Variants in RTN4IP1 observed in about 807,000 individuals in gnomAD.
RTN4IP1 encodes the protein NAD(P)H oxidoreductase RTN4IP1, mitochondrial.
RTN4IP1 carries 32 observed loss-of-function variants against 46.6 expected under a neutral mutation model. The ratio of observed to expected loss-of-function variants is 0.69; its 90% CI spans 0.52 to 0.92. RTN4IP1 has a LOEUF of 0.92. Among genes scored for constraint, RTN4IP1 ranks in the 40% least tolerant of loss-of-function variants. The pLI is 0.00. For synonymous variants in RTN4IP1, 167 were observed against 161.8 expected, an observed-to-expected ratio of 1.03 and a Z score of -0.24; for missense variants, 424 against 485.8, an observed-to-expected ratio of 0.87 and a Z score of 1.20.
upstream of RTN4IP1, chr6:106,629,663 C>T: frequency 6.2e-7 from 1 of 1,601,916 alleles, no homozygotes; most frequent in Non-Finnish European, 8.5e-7. Flanking sequence ...CCTGTGGTGG[C>T]AGGCTGGGCA....
chr6:106,628,809 T>C lies in RTN4IP1; in HGVS notation c.213A>G (p.Pro71=). The C allele has an allele frequency of 3.7e-6, 6 of 1,614,132 alleles. No individual in the cohort carries two copies. The highest frequency in any genetic ancestry group is 5.1e-6 in the Non-Finnish European group (6 of 1,179,968). Residue 71 remains proline, a synonymous_variant, in exon 1 of 9, where the codon CCA becomes CCG. Coordinates refer to ENST00000369063, the MANE Select transcript of RTN4IP1 (RefSeq NM_032730.5). Reference sequence around the variant, plus strand: ...CGTGAACTTTGACAATGACTTCATTTGGATAGTGTATGATAGGCATCATCA... The same window carrying C: ...CGTGAACTTTGACAATGACTTCATTCGGATAGTGTATGATAGGCATCATCA... ...QNMMMPIIHY[P]NEVIVKVHAA...
chr6:106,620,038 C>T (rs2114678292), intron 3 of RTN4IP1, among the ~76,000 whole-genome samples: 1 of 152,090 alleles, frequency 6.6e-6, no homozygotes, highest in Non-Finnish European at 1.5e-5. Context: ...CATATTCTAG[C>T]TTCCTTTATT....
rs1346860531 is a variant in RTN4IP1, at chr6:106,619,235, C to G, written c.587G>C (p.Gly196Ala). The G allele has an allele frequency of 5.6e-6, 9 of 1,614,196 alleles. No homozygotes were observed. The highest frequency in any genetic ancestry group is 1.1e-5 in the South Asian group (1 of 91,086). Reference protein sequence around the residue: ...LTAWSAINKVGGLNDKNCTGK... With the variant: ...LTAWSAINKVAGLNDKNCTGK... The stretch of plus-strand genomic sequence containing the variant: ...TGTGCAATTCTTGTCATTCAGGCCA[C>G]CAACTTTGTTTATAGCAGACCAGGC... The change falls in exon 4 of 9, where the codon GGT (glycine) becomes GCT (alanine). Residue 196 changes from glycine (G) to alanine (A), a missense_variant. Physicochemically the swap from Gly to Ala is moderately conservative, Grantham distance 60. Transcript: ENST00000369063.
chr6:106,580,475 T>G (rs1215353824), intron 8 of RTN4IP1, among the ~76,000 whole-genome samples: 1 of 152,002 alleles, frequency 6.6e-6, no homozygotes, highest in African/African-American at 2.4e-5. Flanking sequence ...TCCCAGCACT[T>G]TGGGAGGCCA....
rs186728493 is a variant in RTN4IP1, at chr6:106,571,248, A to G, written c.*748T>C. On this transcript the variant is annotated 3_prime_UTR_variant, in exon 9 of 9. Coordinates refer to ENST00000369063, the MANE Select transcript of RTN4IP1 (RefSeq NM_032730.5). ...TATATATGACACTAAGAGATTTAGA[A>G]CTTTAAGAGCTGTGGTGACCACATT... 5.9e-5 allele frequency: 9 copies of G among 152,378 alleles called. No homozygotes were observed. In the East Asian group the frequency reaches 1.5e-3, roughly 26 times the overall value. 9.4% of individuals were successfully genotyped at this position (152,378 alleles called of 1,614,324 possible). A position where few individuals can be genotyped will look rare whatever the true frequency, so the allele number is the denominator to read the frequency against.
intron 3 of RTN4IP1, 51 bp downstream of exon 3, chr6:106,621,374 C>T (rs1008862777): frequency 1.5e-6 from 2 of 1,299,206 alleles, no homozygotes; most frequent in South Asian, 1.2e-5. Flanking sequence ...CAGATATTTG[C>T]CAGTCTTTGT....
chr6:106,619,371 C>T (rs369420434), intron 3 of RTN4IP1, 45 bp from the exon 4 acceptor site: 4 of 1,610,800 alleles, frequency 2.5e-6, no homozygotes, highest in African/African-American at 1.3e-5. Flanking sequence ...GACTTGCAAA[C>T]CTATGAACAC....
rs557182695 is a variant in RTN4IP1 at position 106,596,838 on chromosome 6, C to T, written c.670-4538G>A. Among the ~76,000 whole-genome samples the T allele has an allele frequency of 5.9e-5, 9 of 152,246 alleles. No individual in the cohort carries two copies. In the South Asian group the frequency reaches 1.9e-3, roughly 32 times the overall value. On this transcript the variant is annotated intron_variant, in intron 5 of 8. Coordinates refer to ENST00000369063, the MANE Select transcript of RTN4IP1 (RefSeq NM_032730.5). ...TAACAGTCTGTATGTGTCCATGATA[C>T]CTGAAGGCCTGTTTTGTTGTATAAA...
At chr6:106,625,379 T>C (rs1776608916) in intron 1 of RTN4IP1, among the ~76,000 whole-genome samples, 1 of 152,088 alleles carries the variant, frequency 6.6e-6, no homozygotes, top group Admixed American at 6.6e-5. Flanking sequence ...AGACATTCAA[T>C]GCTGCTGACG....
chr6:106,593,416 G>T (rs907337516), intron 5 of RTN4IP1, among the ~76,000 whole-genome samples: 4 of 152,026 alleles, frequency 2.6e-5, no homozygotes, highest in African/African-American at 9.7e-5. Context: ...GACTTAAAAG[G>T]GGGCTATTTT....
intron 1 of RTN4IP1, among the ~76,000 whole-genome samples, chr6:106,627,999 C>T (rs1464602034): frequency 7.2e-6 from 1 of 139,562 alleles, no homozygotes; most frequent in African/African-American, 2.7e-5. Flanking sequence ...ACCCGGAAGG[C>T]GGAGGTTGCA....
At chr6:106,592,035 G>T in intron 6 of RTN4IP1, 129 bp downstream of exon 6, 1 of 959,084 alleles carries the variant, frequency 1.0e-6, no homozygotes, top group Non-Finnish European at 1.6e-6. Context: ...AACTTCTAGT[G>T]ACATGGAATG....
At chr6:106,616,458 C>T (rs1471780160) in intron 4 of RTN4IP1, among the ~76,000 whole-genome samples, 1 of 151,636 alleles carries the variant, frequency 6.6e-6, no homozygotes, top group Admixed American at 6.6e-5. Context: ...GTGTTTTTGT[C>T]ATTGTTAATT....
chr6:106,621,621 C>T (rs944321571), intron 2 of RTN4IP1, 128 bp from the exon 3 acceptor site: 8 of 669,834 alleles, frequency 1.2e-5, no homozygotes, highest in African/African-American at 1.8e-5. Context: ...CTACACCAAG[C>T]AGGAGTGTTA....
intron 1 of RTN4IP1, among the ~76,000 whole-genome samples, chr6:106,626,629 C>T (rs1043064246): frequency 6.6e-6 from 1 of 152,138 alleles, no homozygotes; most frequent in African/African-American, 2.4e-5. Flanking sequence ...AACTGAGTAG[C>T]CTTGGCTCAC....
rs145728822 is a variant in RTN4IP1, at chr6:106,592,278, T to A, written c.692A>T (p.His231Leu). ...AIQVMKAWDAHVTAVCSQDAS... is the reference protein window; with the variant it reads ...AIQVMKAWDALVTAVCSQDAS... ...ATCTTGGGAGCAAACTGCTGTCACA[T>A]GAGCATCCCATGCTTTCATTACCTG... Residue 231 changes from histidine (H) to leucine (L), a missense_variant, in exon 6 of 9, where the codon CAT (histidine) becomes CTT (leucine). Coordinates refer to ENST00000369063, the MANE Select transcript of RTN4IP1 (RefSeq NM_032730.5). 10 of 1,613,874 alleles carry A rather than the reference T, an allele frequency of 6.2e-6. No homozygotes were observed. Among genetic ancestry groups the A allele is most frequent in the Non-Finnish European group, 8.5e-6 (10 of 1,180,000 alleles).
rs1776750597 is a variant in RTN4IP1, at chr6:106,629,378, G to A, written c.-357C>T. 2 of 562,486 alleles carry A rather than the reference G, an allele frequency of 3.6e-6. No homozygotes were observed. Among genetic ancestry groups the A allele is most frequent in the South Asian group, 4.5e-5 (2 of 44,514 alleles). 34.8% of individuals were successfully genotyped at this position (562,486 alleles called of 1,614,324 possible). A position where few individuals can be genotyped will look rare whatever the true frequency, so the allele number is the denominator to read the frequency against. The stretch of plus-strand genomic sequence containing the variant: ...GCCCTGTCCTGGGAGCCCTCGGCGG[G>A]ACAAGCAGACACCGCTCGCGATCCA... On this transcript the variant is annotated 5_prime_UTR_variant, in exon 1 of 9. Transcript: ENST00000369063.
At chr6:106,608,458 A>G (rs537661491) in intron 4 of RTN4IP1, among the ~76,000 whole-genome samples, 1 of 152,244 alleles carries the variant, frequency 6.6e-6, no homozygotes, top group Non-Finnish European at 1.5e-5. Context: ...AATTTATTGT[A>G]TACTTTCAAA....
At chr6:106,619,376 G>C in intron 3 of RTN4IP1, 50 bp from the exon 4 acceptor site, 2 of 1,609,116 alleles carry the variant, frequency 1.2e-6, no homozygotes, top group Non-Finnish European at 1.7e-6. Context: ...GCAAACCTAT[G>C]AACACAATTA....
Sources: gnomAD v4.1 joint callset for allele counts (sites outside exome capture counted in the v4.1 genomes callset) on GRCh38, gnomAD v4.1.1 for gene constraint, MANE v1.5 for transcripts, NCBI Gene and HGNC (gene_info 2026-07-23, HGNC 2026-07-21) for gene names.